CPM: variants seen among roughly 807,000 people sequenced by gnomAD.
CPM encodes renal carboxypeptidase.
In CPM, 35 loss-of-function variants were observed where a neutral mutation model predicts 46.4. That is an observed-to-expected ratio of 0.75 (90% CI 0.58 to 1.00). The LOEUF (loss-of-function observed/expected upper bound fraction) is 1.00. CPM is among the 50% of genes least tolerant of loss of function. The pLI is 0.00. For synonymous variants in CPM, 195 were observed against 195.3 expected (o/e 1.00, Z 0.01); for missense variants, 422 against 530.4 (o/e 0.80, Z 2.01).
intron 2 of CPM, among the ~76,000 whole-genome samples, chr12:68,895,182 G>A (rs1352339056): frequency 6.6e-6 from 1 of 152,088 alleles, no homozygotes. Flanking sequence ...GACCTCAGTG[G>A]TGGGTTGTAT....
At chr12:68,846,461 G>A (rs1884304876), downstream of CPM, 1 of 152,104 alleles carries the variant, frequency 6.6e-6, no homozygotes, top group Non-Finnish European at 1.5e-5. Context: ...TTAAATTTTA[G>A]CGCTTTTGCC....
At chr12:68,941,694 C>T (rs1888764489) in intron 1 of CPM, among the ~76,000 whole-genome samples, 1 of 152,148 alleles carries the variant, frequency 6.6e-6, no homozygotes, top group Non-Finnish European at 1.5e-5. Flanking sequence ...TAATGCTGCT[C>T]AATGATTCTT....
chr12:68,870,360 G>A lies in CPM; in HGVS notation c.471C>T (p.Pro157=), dbSNP rs769163983. 2.6e-5 allele frequency: 42 copies of A among 1,613,914 alleles called. No homozygotes were observed. The highest frequency in any genetic ancestry group is 3.1e-5 in the Non-Finnish European group (37 of 1,179,996). Residue 157 remains proline, a synonymous_variant, in exon 5 of 9, where the codon CCC becomes CCT. Transcript: ENST00000551568. ...AGACATTATTATATTCAAAAGCATCGGGGAAATTTCGATTCAAGTCATACT... is the reference window on the plus strand; with the variant it reads ...AGACATTATTATATTCAAAAGCATCAGGGAAATTTCGATTCAAGTCATACT... The part of the protein sequence containing the change: ...YNQYDLNRNF[P]DAFEYNNVSR...
At chr12:68,919,284 TA>T (rs1217130884) in intron 2 of CPM, among the ~76,000 whole-genome samples, 1 of 152,244 alleles carries the variant, frequency 6.6e-6, no homozygotes, top group East Asian at 1.9e-4. Context: ...TCATGGAACC[TA>T]TGTTCCACAG....
At chr12:68,879,134 G>A (rs1041789618) in intron 3 of CPM, among the ~76,000 whole-genome samples, 1 of 152,172 alleles carries the variant, frequency 6.6e-6, no homozygotes, top group Non-Finnish European at 1.5e-5. Flanking sequence ...GTTACAGTGA[G>A]CCATGATCAC....
At chr12:68,860,061 C>T (rs1885141819) in intron 7 of CPM, among the ~76,000 whole-genome samples, 1 of 152,108 alleles carries the variant, frequency 6.6e-6, no homozygotes. Context: ...GTAACAGTTT[C>T]CCCCAGAAAC....
chr12:68,873,767 A>G (rs2136235449), intron 3 of CPM, among the ~76,000 whole-genome samples: 1 of 151,482 alleles, frequency 6.6e-6, no homozygotes, highest in Non-Finnish European at 1.5e-5. Flanking sequence ...TCCAATCCTG[A>G]CTTCAACTTT....
intron 3 of CPM, among the ~76,000 whole-genome samples, chr12:68,876,919 TGAGAGA>T (rs934166312): frequency 1.7e-4 from 11 of 66,022 alleles, no homozygotes; most frequent in African/African-American, 4.1e-4. Context: ...TGTGTGTGTG[TGAGAGA>T]GAGAGAGAGA....
chr12:68,912,717 C>T (rs535980412), intron 2 of CPM, among the ~76,000 whole-genome samples: 1 of 152,272 alleles, frequency 6.6e-6, no homozygotes, highest in South Asian at 2.1e-4. Context: ...GAGTTTCCCC[C>T]TCAAAATTGA....
At chr12:68,849,510 A>G (rs1476130128), downstream of CPM, 1 of 152,040 alleles carries the variant, frequency 6.6e-6, no homozygotes. Flanking sequence ...CCCAAGGTCA[A>G]ATGATTCTCC....
intron 2 of CPM, among the ~76,000 whole-genome samples, chr12:68,909,450 G>T (rs1449933822): frequency 1.3e-5 from 2 of 152,068 alleles, no homozygotes; most frequent in Admixed American, 6.5e-5. Flanking sequence ...ACTCACGTGG[G>T]GCTGGGAGTG....
At position 68,906,249 on chromosome 12, in the gene CPM, A is replaced by T. The variant is rs562684556; in HGVS notation, c.161-20360T>A. Among the ~76,000 whole-genome samples, 3 of 152,290 alleles carry T rather than the reference A, an allele frequency of 2.0e-5. No individual in the cohort carries two copies. The South Asian group carries it at 6.2e-4, about 32-fold the overall frequency. On this transcript the variant is annotated intron_variant, in intron 2 of 8. Transcript: ENST00000551568. ...TCTTCAGATGACCTGCAGCAGAATTACCTGAGGTATTTGTAAAAAACTGCA... is the reference window on the plus strand; with the variant it reads ...TCTTCAGATGACCTGCAGCAGAATTTCCTGAGGTATTTGTAAAAAACTGCA...
chr12:68,949,134 G>A (rs940569403), intron 1 of CPM, among the ~76,000 whole-genome samples: 3 of 152,176 alleles, frequency 2.0e-5, no homozygotes, highest in African/African-American at 7.2e-5. Flanking sequence ...ACTTTGGGAG[G>A]CTGAGGTGGG....
chr12:68,895,928 A>T (rs527515953), intron 2 of CPM, among the ~76,000 whole-genome samples: 18 of 152,330 alleles, frequency 1.2e-4, no homozygotes, highest in African/African-American at 4.3e-4. Context: ...GTGATTGATC[A>T]TATGTGAACT....
intron 2 of CPM, among the ~76,000 whole-genome samples, chr12:68,911,592 G>A (rs561673243): frequency 2.9e-4 from 44 of 152,306 alleles, no homozygotes; most frequent in Admixed American, 5.9e-4. Flanking sequence ...TAGTTTGAGG[G>A]TTTTAAACAC....
chr12:68,960,637 AG>A (rs1889095593), intron 1 of CPM, among the ~76,000 whole-genome samples: 1 of 152,220 alleles, frequency 6.6e-6, no homozygotes, highest in Non-Finnish European at 1.5e-5. Context: ...GATAATTCGC[AG>A]GGCCCAGTGC....
intron 1 of CPM, among the ~76,000 whole-genome samples, chr12:68,962,431 C>T (rs1359311724): frequency 6.6e-6 from 1 of 152,172 alleles, no homozygotes; most frequent in Non-Finnish European, 1.5e-5. Context: ...TCCCACTCTT[C>T]CCCGAGGGCA....
chr12:68,931,830 C>T (rs1057031427), intron 2 of CPM, among the ~76,000 whole-genome samples: 2 of 151,388 alleles, frequency 1.3e-5, no homozygotes, highest in African/African-American at 2.4e-5. Context: ...TTGCCTTGGC[C>T]GGATGGGTGC....
intron 3 of CPM, among the ~76,000 whole-genome samples, chr12:68,884,568 A>C (rs768084114): frequency 3.3e-5 from 5 of 152,206 alleles, no homozygotes; most frequent in Non-Finnish European, 7.4e-5. Flanking sequence ...CAAATCCAGA[A>C]GTGTTTTAAC....
Sources: allele counts gnomAD v4.1 joint callset (sites outside exome capture counted in the v4.1 genomes callset), GRCh38; gene constraint gnomAD v4.1.1; transcripts MANE v1.5; gene names NCBI Gene and HGNC (gene_info 2026-07-23, HGNC 2026-07-21).